DIP2C: variants seen among roughly 807,000 people sequenced by gnomAD.
DIP2C encodes DIP2 acetate--CoA ligase C (putative).
In DIP2C, 33 loss-of-function variants were observed where a neutral mutation model predicts 192.4. The ratio of observed to expected loss-of-function variants is 0.17; its 90% CI spans 0.13 to 0.23. DIP2C has a LOEUF of 0.23. Among genes scored for constraint, DIP2C ranks in the 10% least tolerant of loss-of-function variants. DIP2C has a pLI of 1.00. For missense variants in DIP2C, 1,537 were observed against 2,110.1 expected (o/e 0.73, Z 5.32); for synonymous variants, 979 against 864.1 (o/e 1.13, Z -2.33).
chr10:338,424 G>GT (rs77305538), intron 29 of DIP2C, among the ~76,000 whole-genome samples: 1,862 of 143,916 alleles, frequency 0.013, 33 homozygotes, highest in African/African-American at 0.036. Context: ...GCCCTACACA[G>GT]TTTTTTTTTT....
In DIP2C at chr10:341,318, T is replaced by C. The variant is rs765440315; in HGVS notation, c.3465A>G (p.Ala1155=). The C allele has an allele frequency of 1.2e-6, 2 of 1,614,000 alleles. No individual in the cohort carries two copies. Among genetic ancestry groups the C allele is most frequent in the Non-Finnish European group, 1.7e-6 (2 of 1,180,036 alleles). Residue 1155 remains alanine, a synonymous_variant, in exon 29 of 37, where the codon GCA becomes GCG. Transcript: ENST00000280886. The part of the protein sequence containing the change: ...GMLAGVKMSH[A]ATSAFCRSIK... Reference sequence around the variant, plus strand: ...TGGAACGGCAGAAGGCACTGGTGGCTGCGTGAGACATCTGCAAAATACAAG... The same window carrying C: ...TGGAACGGCAGAAGGCACTGGTGGCCGCGTGAGACATCTGCAAAATACAAG...
At chr10:377,035 C>T (rs1961685049) in intron 17 of DIP2C, among the ~76,000 whole-genome samples, 1 of 152,036 alleles carries the variant, frequency 6.6e-6, no homozygotes, top group Admixed American at 6.5e-5. Context: ...TTCCTTTTCT[C>T]TAACAGGAGC....
At chr10:565,690 C>A (rs909259345) in intron 1 of DIP2C, among the ~76,000 whole-genome samples, 3 of 152,174 alleles carry the variant, frequency 2.0e-5, no homozygotes, top group African/African-American at 4.8e-5. Flanking sequence ...TCATCAAATG[C>A]ACTTAAATTT....
Position 364,439 on chromosome 10 carries a change from G to A in DIP2C, c.2412C>T (p.His804=), listed in dbSNP as rs773908140. 3.2e-5 allele frequency: 52 copies of A among 1,613,966 alleles called. No individual in the cohort carries two copies. In the South Asian group the frequency reaches 5.3e-4, roughly 16 times the overall value. ...DGLMVVSGRR[H]NADDIVATAL... ...CAGTGGCCACGATGTCGTCGGCGTTGTGCCTGCGCCCGCTGACCACCATGA... is the reference window on the plus strand; with the variant it reads ...CAGTGGCCACGATGTCGTCGGCGTTATGCCTGCGCCCGCTGACCACCATGA... The change falls in exon 20 of 37, where the codon CAC becomes CAT. Residue 804 remains histidine (H), a synonymous_variant. Coordinates refer to ENST00000280886, the MANE Select transcript of DIP2C (RefSeq NM_014974.3).
At chr10:488,594 T>G (rs1452585866) in intron 1 of DIP2C, among the ~76,000 whole-genome samples, 2 of 152,184 alleles carry the variant, frequency 1.3e-5, no homozygotes, top group Non-Finnish European at 2.9e-5. Context: ...TCCTCGCATG[T>G]TCACGCCCCG....
chr10:477,852 G>A (rs116561110), intron 2 of DIP2C, among the ~76,000 whole-genome samples: 4,544 of 135,212 alleles, frequency 0.034, 150 homozygotes, highest in African/African-American at 0.084. Context: ...GAAAAAAGGA[G>A]AAGTGAAGGA....
chr10:363,423 G>T lies in DIP2C; in HGVS notation c.2478-112C>A. 1 of 868,556 alleles carries T rather than the reference G, an allele frequency of 1.2e-6. No individual in the cohort carries two copies. The highest frequency in any genetic ancestry group is 1.6e-5 in the South Asian group (1 of 64,514). The allele number at this position is 868,556 out of a possible 1,614,324, so 53.8% of individuals were successfully genotyped here. A position where few individuals can be genotyped will look rare whatever the true frequency, so the allele number is the denominator to read the frequency against. ...TAGTGAGTGACACAGCTCCAACTAC[G>T]ACTTCAAAACGGCCGCTGTACTTCC... On this transcript the variant is annotated intron_variant, in intron 20 of 36. Coordinates refer to ENST00000280886, the MANE Select transcript of DIP2C (RefSeq NM_014974.3). This position sits in a 1 kb window ranked among gnomAD's most constrained non-coding sequence, Gnocchi z 5.4.
At chr10:489,124 A>G (rs2133572940) in intron 1 of DIP2C, among the ~76,000 whole-genome samples, 1 of 152,296 alleles carries the variant, frequency 6.6e-6, no homozygotes, top group Non-Finnish European at 1.5e-5. Context: ...CGGCCCTGAG[A>G]CCAGGCTCAC....
At chr10:346,662 T>G (rs1240492539) in intron 26 of DIP2C, among the ~76,000 whole-genome samples, 1 of 121,144 alleles carries the variant, frequency 8.3e-6, no homozygotes, top group Non-Finnish European at 1.6e-5. Flanking sequence ...ATATCGCGTA[T>G]AGTTCTCCCG....
chr10:464,671 C>T (rs1045227770), intron 3 of DIP2C, among the ~76,000 whole-genome samples: 4 of 152,202 alleles, frequency 2.6e-5, no homozygotes, highest in Non-Finnish European at 2.9e-5. Context: ...TATAAAGACA[C>T]ATACAAACGT....
chr10:551,315 GC>G (rs1380947020), intron 1 of DIP2C, among the ~76,000 whole-genome samples: 1 of 152,324 alleles, frequency 6.6e-6, no homozygotes. Flanking sequence ...TACAGCAGGT[GC>G]CTGAGACACC....
intron 1 of DIP2C, among the ~76,000 whole-genome samples, chr10:490,832 A>G (rs1170420687): frequency 6.6e-6 from 1 of 152,204 alleles, no homozygotes; most frequent in South Asian, 2.1e-4. Context: ...AATTAAAATC[A>G]CAAAGAGGAG....
At chr10:453,927 G>C (rs1003451277) in intron 3 of DIP2C, among the ~76,000 whole-genome samples, 1 of 152,228 alleles carries the variant, frequency 6.6e-6, no homozygotes, top group Non-Finnish European at 1.5e-5. Context: ...GGACCTGCTA[G>C]AGCCTCTGTG....
chr10:490,591 C>A (rs1173963215), intron 1 of DIP2C, among the ~76,000 whole-genome samples: 1 of 152,208 alleles, frequency 6.6e-6, no homozygotes, highest in Non-Finnish European at 1.5e-5. Flanking sequence ...GGAGCCCCTG[C>A]CAGAGCGCTT....
chr10:411,277 AGAG>A (rs1246215728), intron 8 of DIP2C, among the ~76,000 whole-genome samples: 1 of 152,268 alleles, frequency 6.6e-6, no homozygotes, highest in Non-Finnish European at 1.5e-5. Flanking sequence ...AGAAATCCAC[AGAG>A]GAGGCAGAGG....
intron 1 of DIP2C, among the ~76,000 whole-genome samples, chr10:565,560 A>G (rs1276222695): frequency 1.3e-5 from 2 of 152,194 alleles, no homozygotes; most frequent in Admixed American, 1.3e-4. Flanking sequence ...TTTTCCACAG[A>G]CTACTAACCC....
intron 17 of DIP2C, among the ~76,000 whole-genome samples, chr10:370,755 A>G (rs1360050034): frequency 6.6e-6 from 1 of 152,240 alleles, no homozygotes; most frequent in South Asian, 2.1e-4. Flanking sequence ...TAAATCTTTA[A>G]CGCACTTCAG....
In DIP2C at chr10:277,272, C is replaced by T. The variant is rs909772310; in HGVS notation, c.*53G>A. ...CTGTGTCTGCACGCTTCAGTGGACA[C>T]GGAGAACAATGTCTACATCTCTAGA... On this transcript the variant is annotated 3_prime_UTR_variant, in exon 37 of 37. Transcript: ENST00000280886. 32 of 1,595,466 alleles carry T rather than the reference C, an allele frequency of 2.0e-5. No individual in the cohort carries two copies. Among genetic ancestry groups the T allele is most frequent in the Middle Eastern group, 1.7e-4 (1 of 6,046 alleles).
At chr10:395,121 AGGGAGGAGT>A (rs1963875850) in intron 10 of DIP2C, among the ~76,000 whole-genome samples, 1 of 16,664 alleles carries the variant, frequency 6.0e-5, no homozygotes, top group Non-Finnish European at 1.1e-4. Context: ...AGTTGGGGGG[AGGGAGGAGT>A]TGGGGGAGGG....
Sources: gnomAD v4.1 joint callset for allele counts (sites outside exome capture counted in the v4.1 genomes callset) on GRCh38, gnomAD v4.1.1 for gene constraint, Gnocchi (gnomAD v3.1) non-coding constraint, MANE v1.5 for transcripts, NCBI Gene and HGNC (gene_info 2026-07-23, HGNC 2026-07-21) for gene names.